Variants in PPFIA2 observed in about 807,000 individuals in gnomAD.
PPFIA2 encodes liprin-alpha-2.
A neutral mutation model predicts 175.5 loss-of-function variants in PPFIA2; 46 were observed. The ratio of observed to expected loss-of-function variants is 0.26; its 90% CI spans 0.21 to 0.34. PPFIA2 has a LOEUF of 0.34. Ranked by LOEUF, PPFIA2 falls within the 10% of genes least tolerant of loss-of-function variation. PPFIA2 has a pLI of 1.00. For missense variants in PPFIA2, 1,179 were observed against 1,506.1 expected, an observed-to-expected ratio of 0.78 and a Z score of 3.60; for synonymous variants, 568 against 511.4, an observed-to-expected ratio of 1.11 and a Z score of -1.49.
At chr12:81,597,169 A>T (rs150728685) in intron 4 of PPFIA2, among the ~76,000 whole-genome samples, 1 of 152,062 alleles carries the variant, frequency 6.6e-6, no homozygotes, top group Non-Finnish European at 1.5e-5. Context: ...TCATGTAACG[A>T]TGATATGACT....
intron 6 of PPFIA2, among the ~76,000 whole-genome samples, chr12:81,440,445 T>C (rs1593019742): frequency 6.6e-6 from 1 of 152,166 alleles, no homozygotes; most frequent in African/African-American, 2.4e-5. Context: ...TCTCTACTTC[T>C]GTAAAATAAC....
chr12:81,611,532 G>T (rs1196986927), intron 4 of PPFIA2, among the ~76,000 whole-genome samples: 1 of 152,140 alleles, frequency 6.6e-6, no homozygotes, highest in Non-Finnish European at 1.5e-5. Context: ...AACACATTCA[G>T]CAGGGCCGTG....
rs1039282526 is a variant in PPFIA2, at chr12:81,600,728, T to C, written c.303+76063A>G. ...CGTGTTAGGATCTTACTTCCTCTTA[T>C]GGTTAGCGAGGCCATGTAACTCATG... is the stretch of plus-strand genomic sequence containing the variant. On this transcript the variant is annotated intron_variant, in intron 4 of 32. Transcript: ENST00000549396. 6.6e-5 allele frequency among the ~76,000 whole-genome samples: 10 copies of C among 151,980 alleles called. 1 individual carries two copies. In the East Asian group the frequency reaches 7.7e-4, roughly 12 times the overall value.
chr12:81,289,762 A>G (rs570520419), intron 24 of PPFIA2, among the ~76,000 whole-genome samples: 2 of 152,002 alleles, frequency 1.3e-5, no homozygotes, highest in South Asian at 4.1e-4. Flanking sequence ...TAGGTGCTCC[A>G]TCTAAATTTG....
At chr12:81,564,285 AG>A (rs200733579) in intron 4 of PPFIA2, among the ~76,000 whole-genome samples, 2,242 of 140,608 alleles carry the variant, frequency 0.016, 47 homozygotes, top group East Asian at 0.042. Context: ...TTCAAGCTGA[AG>A]GAAAGAAACT....
At chr12:81,682,266 C>T (rs904780839) in intron 3 of PPFIA2, among the ~76,000 whole-genome samples, 2 of 151,942 alleles carry the variant, frequency 1.3e-5, no homozygotes, top group Non-Finnish European at 1.5e-5. Context: ...CATATGAGAA[C>T]ACAAGAAGAA....
intron 28 of PPFIA2, among the ~76,000 whole-genome samples, chr12:81,276,433 T>C (rs2040550649): frequency 6.6e-6 from 1 of 152,170 alleles, no homozygotes; most frequent in South Asian, 2.1e-4. Flanking sequence ...AAAATACCTT[T>C]ACCTATATCT....
At chr12:81,259,840 A>G in intron 32 of PPFIA2, 180 bp from the exon 33 acceptor site, 1 of 451,498 alleles carries the variant, frequency 2.2e-6, no homozygotes, top group Non-Finnish European at 3.9e-6. Flanking sequence ...CTTTTCTCCA[A>G]TTTGGTGCAG....
At chr12:81,741,581 C>T (rs1450149407) in intron 3 of PPFIA2, among the ~76,000 whole-genome samples, 1 of 151,932 alleles carries the variant, frequency 6.6e-6, no homozygotes, top group East Asian at 1.9e-4. Context: ...GCTTTGAAGG[C>T]AGCCCAACAT....
intron 4 of PPFIA2, among the ~76,000 whole-genome samples, chr12:81,564,262 G>A (rs2070827682): frequency 1.3e-5 from 2 of 149,902 alleles, no homozygotes; most frequent in South Asian, 4.3e-4. Flanking sequence ...AAAATTTACA[G>A]AACTATAGAT....
intron 4 of PPFIA2, among the ~76,000 whole-genome samples, chr12:81,644,869 AT>A (rs1038567671): frequency 5.9e-5 from 9 of 152,224 alleles, no homozygotes; most frequent in Admixed American, 5.2e-4. Context: ...TTTGATTTTT[AT>A]TTTTTAAATG....
intron 22 of PPFIA2, among the ~76,000 whole-genome samples, chr12:81,320,411 G>A (rs911984995): frequency 2.0e-5 from 3 of 151,910 alleles, no homozygotes; most frequent in East Asian, 1.9e-4. Flanking sequence ...TAGCTGAGTC[G>A]GGGTGTTAAT....
chr12:81,596,335 G>A (rs1005633333), intron 4 of PPFIA2, among the ~76,000 whole-genome samples: 1 of 151,758 alleles, frequency 6.6e-6, no homozygotes, highest in African/African-American at 2.4e-5. Flanking sequence ...GCAACAAAAA[G>A]ATAAACATCA....
chr12:81,359,478 A>T (rs1034582895), intron 15 of PPFIA2, among the ~76,000 whole-genome samples: 3 of 151,890 alleles, frequency 2.0e-5, no homozygotes, highest in African/African-American at 7.2e-5. Flanking sequence ...CATATTCATA[A>T]AGGACACAAC....
At chr12:81,732,644 C>T (rs2081071732) in intron 3 of PPFIA2, among the ~76,000 whole-genome samples, 1 of 149,932 alleles carries the variant, frequency 6.7e-6, no homozygotes, top group South Asian at 2.1e-4. Flanking sequence ...AGCAAAAAAG[C>T]AAAATAATAT....
intron 4 of PPFIA2, among the ~76,000 whole-genome samples, chr12:81,484,366 C>T (rs1410402518): frequency 6.6e-6 from 1 of 151,906 alleles, no homozygotes; most frequent in Admixed American, 6.6e-5. Flanking sequence ...TACAATGAGA[C>T]AGAGGCTAGT....
rs920833647 is a variant in PPFIA2 at position 81,297,404 on chromosome 12, G to GA, written c.2724+1896dup. On this transcript the variant is annotated intron_variant, in intron 23 of 32. Coordinates refer to ENST00000549396, the MANE Select transcript of PPFIA2 (RefSeq NM_003625.5). ...TATTAAAAGACTATTTGTCTCTTTT[G>GA]AAAAAAAAAATGCCAACAACGAAAC... is the stretch of plus-strand genomic sequence containing the variant. Among the ~76,000 whole-genome samples the GA allele has an allele frequency of 2.1e-3, 306 of 148,954 alleles. 1 individual carries two copies. The highest frequency in any genetic ancestry group is 6.6e-3 in the African/African-American group (267 of 40,650).
At chr12:81,327,256 A>G (rs962214602) in intron 21 of PPFIA2, among the ~76,000 whole-genome samples, 7 of 152,140 alleles carry the variant, frequency 4.6e-5, no homozygotes, top group Admixed American at 1.3e-4. Flanking sequence ...TGAGGGCCAA[A>G]ATTTGTTTTA....
At chr12:81,445,211 G>T (rs983080655) in intron 6 of PPFIA2, among the ~76,000 whole-genome samples, 3 of 135,616 alleles carry the variant, frequency 2.2e-5, no homozygotes, top group Non-Finnish European at 4.7e-5. Flanking sequence ...CAAGGTGGGG[G>T]GGGGGGAGGG....
Sources: allele counts gnomAD v4.1 joint callset (sites outside exome capture counted in the v4.1 genomes callset), GRCh38; gene constraint gnomAD v4.1.1; transcripts MANE v1.5; gene names NCBI Gene and HGNC (gene_info 2026-07-23, HGNC 2026-07-21).